CDH4: variants seen among roughly 807,000 people sequenced by gnomAD.
CDH4 encodes cadherin 4.
A neutral mutation model predicts 86.0 loss-of-function variants in CDH4; 33 were observed. The observed-to-expected ratio is 0.38, with a 90% CI of 0.29 to 0.51. CDH4 has a LOEUF of 0.51. Ranked by LOEUF, CDH4 falls within the 20% of genes least tolerant of loss-of-function variation. CDH4 has a pLI of 0.86. For synonymous variants in CDH4, 555 were observed against 549.4 expected, an observed-to-expected ratio of 1.01 and a Z score of -0.14; for missense variants, 1,114 against 1,307.4, an observed-to-expected ratio of 0.85 and a Z score of 2.28.
intron 2 of CDH4, among the ~76,000 whole-genome samples, chr20:61,423,175 A>G (rs2085189733): frequency 6.6e-6 from 1 of 152,178 alleles, no homozygotes; most frequent in African/African-American, 2.4e-5. Flanking sequence ...CCCCAGACCC[A>G]CGAGGATGGG....
At chr20:61,860,249 G>A (rs1983258042) in intron 6 of CDH4, among the ~76,000 whole-genome samples, 1 of 152,176 alleles carries the variant, frequency 6.6e-6, no homozygotes, top group Admixed American at 6.5e-5. Context: ...ATAAATACAA[G>A]ACAACTTTGA....
In CDH4 at chr20:61,708,894, G is replaced by T. The variant is rs577800204; in HGVS notation, c.170-34669G>T. 3.3e-5 allele frequency among the ~76,000 whole-genome samples: 5 copies of T among 152,230 alleles called. No individual in the cohort carries two copies. The highest frequency in any genetic ancestry group is 5.9e-5 in the Non-Finnish European group (4 of 68,034). ...CTTTTCCTGGTAATTTAGTTCTATC[G>T]TATTTTACAAAGTATCAGCTTGTGA... On this transcript the variant is annotated intron_variant, in intron 2 of 15. Coordinates refer to ENST00000614565, the MANE Select transcript of CDH4 (RefSeq NM_001794.5). The surrounding 1 kb of genome is among the most constrained non-coding windows in gnomAD (Gnocchi z 4.5).
intron 2 of CDH4, among the ~76,000 whole-genome samples, chr20:61,350,720 C>G (rs996693622): frequency 4.6e-5 from 7 of 152,222 alleles, no homozygotes; most frequent in South Asian, 2.1e-4. Flanking sequence ...GAGGCCCCCC[C>G]CCAGTGCTAA....
At position 61,939,459 on chromosome 20, in the gene CDH4, G is replaced by T. The variant is rs2055237676; in HGVS notation, c.*2516G>T. ...TGCCAGCTGGAGGGATGTTCATAGGGCTTCCTGTGCCCATCCCTGCTCCAA... is the reference window on the plus strand; with the variant it reads ...TGCCAGCTGGAGGGATGTTCATAGGTCTTCCTGTGCCCATCCCTGCTCCAA... On this transcript the variant is annotated 3_prime_UTR_variant, in exon 16 of 16. Transcript: ENST00000614565. The T allele has an allele frequency of 6.6e-6, 1 of 152,274 alleles. No homozygotes were observed. Among genetic ancestry groups the T allele is most frequent in the Admixed American group, 6.5e-5 (1 of 15,290 alleles). The allele number at this position is 152,274 out of a possible 1,614,324, so 9.4% of individuals were successfully genotyped here.
chr20:61,327,025 A>G (rs1009369921), intron 2 of CDH4, among the ~76,000 whole-genome samples: 1 of 152,154 alleles, frequency 6.6e-6, no homozygotes, highest in African/African-American at 2.4e-5. Flanking sequence ...AGGCAAGATT[A>G]CCCCTTACTC....
intron 2 of CDH4, among the ~76,000 whole-genome samples, chr20:61,707,117 C>T (rs2087840073): frequency 6.6e-6 from 1 of 152,266 alleles, no homozygotes; most frequent in South Asian, 2.1e-4. Flanking sequence ...CATGAGCTGT[C>T]ATCCATGTCT....
chr20:61,376,231 G>A (rs1449671827), intron 2 of CDH4, among the ~76,000 whole-genome samples: 3 of 152,118 alleles, frequency 2.0e-5, no homozygotes, highest in East Asian at 3.9e-4. Flanking sequence ...TGGCATTTTT[G>A]CATTGATAGT....
At chr20:61,531,061 GGGC>G (rs879473689) in intron 2 of CDH4, among the ~76,000 whole-genome samples, 19,781 of 152,182 alleles carry the variant, frequency 0.13, 1,377 homozygotes, top group African/African-American at 0.16. Context: ...GAGCTGCTGA[GGGC>G]TGCTGAGGGA....
At chr20:61,696,118 A>T (rs529388966) in intron 2 of CDH4, among the ~76,000 whole-genome samples, 95 of 152,350 alleles carry the variant, frequency 6.2e-4, no homozygotes, top group South Asian at 6.2e-4. Context: ...GACAGATCTA[A>T]AGAGGAAGGG....
chr20:61,889,488 GTGGATGATGGA>G (rs1272704760), intron 7 of CDH4, among the ~76,000 whole-genome samples: 5 of 129,578 alleles, frequency 3.9e-5, no homozygotes, highest in African/African-American at 1.4e-4. Flanking sequence ...GGATGAGTGA[GTGGATGATGGA>G]TGGATGATGG....
At chr20:61,446,551 A>T (rs1600687638) in intron 2 of CDH4, among the ~76,000 whole-genome samples, 1 of 152,216 alleles carries the variant, frequency 6.6e-6, no homozygotes, top group East Asian at 1.9e-4. Context: ...GATCCGCCTC[A>T]TCTTAAAAAG....
At chr20:61,889,408 GTGGGTAGATGA>G (rs1241665526) in intron 7 of CDH4, among the ~76,000 whole-genome samples, 1 of 150,428 alleles carries the variant, frequency 6.6e-6, no homozygotes, top group Non-Finnish European at 1.5e-5. Flanking sequence ...TGAGGGATGG[GTGGGTAGATGA>G]TGGGTGATAG....
At chr20:61,919,546 C>A (rs6089550) in intron 9 of CDH4, among the ~76,000 whole-genome samples, 1 of 152,220 alleles carries the variant, frequency 6.6e-6, no homozygotes, top group Non-Finnish European at 1.5e-5. Context: ...GGGGTGGGAA[C>A]GTGGGGACAT....
At chr20:61,678,967 G>A (rs1402562928) in intron 2 of CDH4, among the ~76,000 whole-genome samples, 1 of 152,232 alleles carries the variant, frequency 6.6e-6, no homozygotes, top group East Asian at 1.9e-4. Flanking sequence ...CAGTGTCCAA[G>A]AGGGAGAGTA....
intron 2 of CDH4, among the ~76,000 whole-genome samples, chr20:61,449,002 G>C (rs2085366395): frequency 6.6e-6 from 1 of 152,194 alleles, no homozygotes; most frequent in Non-Finnish European, 1.5e-5. Context: ...TGAATATTCA[G>C]ACTTTTTCTC....
chr20:61,628,581 C>T (rs750576140), intron 2 of CDH4, among the ~76,000 whole-genome samples: 34 of 152,364 alleles, frequency 2.2e-4, no homozygotes, highest in African/African-American at 7.7e-4. Context: ...TACAGGAGAA[C>T]GCCGTCCACC....
At chr20:61,659,496 T>C (rs547125164) in intron 2 of CDH4, among the ~76,000 whole-genome samples, 2 of 152,288 alleles carry the variant, frequency 1.3e-5, no homozygotes, top group African/African-American at 4.8e-5. Context: ...CTGGCCTGGC[T>C]TTCAAGTGAG....
chr20:61,469,741 G>C (rs946011881), intron 2 of CDH4, among the ~76,000 whole-genome samples: 13 of 152,212 alleles, frequency 8.5e-5, no homozygotes, highest in African/African-American at 3.1e-4. Flanking sequence ...TCTGTATATG[G>C]CAAGAGATAG....
chr20:61,816,872 G>A (rs938132995), intron 4 of CDH4, among the ~76,000 whole-genome samples: 10 of 152,116 alleles, frequency 6.6e-5, no homozygotes, highest in African/African-American at 1.7e-4. Context: ...CGGTGGGGAC[G>A]CTCAGGGGTC....
Sources: gnomAD v4.1 joint callset for allele counts (sites outside exome capture counted in the v4.1 genomes callset) on GRCh38, gnomAD v4.1.1 for gene constraint, Gnocchi (gnomAD v3.1) non-coding constraint, MANE v1.5 for transcripts, NCBI Gene and HGNC (gene_info 2026-07-23, HGNC 2026-07-21) for gene names.